CYFIP1: variants seen among roughly 807,000 people sequenced by gnomAD.
CYFIP1 encodes the protein cytoplasmic FMR1-interacting protein 1.
Under a neutral mutation model 163.5 loss-of-function variants are expected in CYFIP1, and 58 were observed. The observed-to-expected ratio is 0.35, with a 90% CI of 0.29 to 0.44. The LOEUF is 0.44. Ranked by LOEUF, CYFIP1 falls within the 20% of genes least tolerant of loss-of-function variation. CYFIP1 has a pLI of 1.00. For missense variants in CYFIP1, 1,338 were observed against 1,653.8 expected, an observed-to-expected ratio of 0.81 and a Z score of 3.31; for synonymous variants, 663 against 660.7, an observed-to-expected ratio of 1.00 and a Z score of -0.05.
At chr15:22,874,832 G>A (rs1298959782) in intron 27 of CYFIP1, among the ~76,000 whole-genome samples, 188 bp from the exon 28 acceptor site, 3 of 152,092 alleles carry the variant, frequency 2.0e-5, no homozygotes, top group Non-Finnish European at 4.4e-5. Context: ...CCAATTTTCT[G>A]CTCAATATTC....
At chr15:22,894,422 T>A (rs1409028906) in intron 22 of CYFIP1, among the ~76,000 whole-genome samples, 1 of 151,412 alleles carries the variant, frequency 6.6e-6, no homozygotes, top group Admixed American at 6.6e-5. Flanking sequence ...CCCGAGTAGC[T>A]GGGATTACAG....
In CYFIP1 at chr15:22,875,291, G is replaced by A; in HGVS notation, c.3043-20C>T. On this transcript the variant is annotated intron_variant, in intron 26 of 30. Coordinates refer to ENST00000617928, the MANE Select transcript of CYFIP1 (RefSeq NM_014608.6). ...TAAAGACTAGAGCAGAGAAAGAGAG[G>A]GTCAAGCTAGGAAGGGTATCTCGCC... is the stretch of plus-strand genomic sequence containing the variant. The A allele has an allele frequency of 6.2e-7, 1 of 1,610,276 alleles. No individual in the cohort carries two copies.
intron 1 of CYFIP1, 106 bp downstream of exon 1, chr15:22,980,181 G>A (rs887425651): frequency 6.7e-6 from 1 of 149,724 alleles, no homozygotes; most frequent in Non-Finnish European, 1.5e-5. Context: ...GGGGGGAGGG[G>A]GGGGTCCGTC....
intron 1 of CYFIP1, among the ~76,000 whole-genome samples, chr15:22,978,505 C>T (rs1235576150): frequency 6.6e-6 from 1 of 151,426 alleles, no homozygotes; most frequent in African/African-American, 2.4e-5. Flanking sequence ...AAATGTATGA[C>T]GATAATATAT....
intron 1 of CYFIP1, among the ~76,000 whole-genome samples, chr15:22,965,172 T>G (rs1337548808): frequency 6.6e-6 from 1 of 152,152 alleles, no homozygotes; most frequent in Non-Finnish European, 1.5e-5. Flanking sequence ...ACATCCTAAA[T>G]TACTGTCTGG....
chr15:22,918,943 T>C lies in CYFIP1; in HGVS notation c.1360-85A>G, dbSNP rs148269421. On this transcript the variant is annotated intron_variant, in intron 13 of 30. Coordinates refer to ENST00000617928, the MANE Select transcript of CYFIP1 (RefSeq NM_014608.6). ...CCTGGCACATGCCGGGGGCTGCTCC[T>C]CCTCGCCCACAGCACCTTACGCCCT... is the stretch of plus-strand genomic sequence containing the variant. The C allele has an allele frequency of 4.4e-5, 50 of 1,124,406 alleles. No individual in the cohort carries two copies. The East Asian group carries it at 1.2e-3, about 27-fold the overall frequency. 69.7% of individuals were successfully genotyped at this position (1,124,406 alleles called of 1,614,324 possible).
chr15:22,978,300 C>CT (rs1399119388), intron 1 of CYFIP1, among the ~76,000 whole-genome samples: 1 of 128,468 alleles, frequency 7.8e-6, no homozygotes, highest in Non-Finnish European at 1.5e-5. Flanking sequence ...TGTGGCGAGC[C>CT]GAGTTTGCGT....
intron 8 of CYFIP1, 64 bp downstream of exon 8, chr15:22,939,128 G>A (rs771463735): frequency 3.8e-6 from 6 of 1,594,892 alleles, no homozygotes; most frequent in Non-Finnish European, 4.3e-6. Context: ...ATAAAGCACA[G>A]CCTATTGACA....
intron 5 of CYFIP1, among the ~76,000 whole-genome samples, chr15:22,943,640 A>G (rs1234797531): frequency 2.6e-5 from 4 of 152,250 alleles, no homozygotes; most frequent in African/African-American, 9.6e-5. Flanking sequence ...AAATGCTCCA[A>G]TAAAACGCCT....
chr15:22,945,092 A>C (rs543577507), intron 3 of CYFIP1, among the ~76,000 whole-genome samples, 153 bp from the exon 4 acceptor site: 16 of 152,268 alleles, frequency 1.1e-4, no homozygotes, highest in African/African-American at 3.9e-4. Flanking sequence ...AGTGACACTG[A>C]GGTGCGGCGC....
In CYFIP1 at chr15:22,874,635, C is replaced by T. The variant is rs1239058269; in HGVS notation, c.3125G>A (p.Arg1042Lys). Residue 1042 changes from arginine to lysine, a missense_variant, in exon 28 of 31, where the codon AGA becomes AAA. Transcript: ENST00000617928. ...TAGTCTTTTCATTTTGGCATCAAGT[C>T]TCTCCCCCTCTGCAGTAGAAAAAAT... ...LPRVHVKEGE[R>K]LDAKMKRLES... 1 of 1,595,284 alleles carries T rather than the reference C, an allele frequency of 6.3e-7. No homozygotes were observed. The highest frequency in any genetic ancestry group is 8.5e-7 in the Non-Finnish European group (1 of 1,173,204).
chr15:22,962,392 C>CT (rs963136147), intron 1 of CYFIP1, among the ~76,000 whole-genome samples: 4 of 133,510 alleles, frequency 3.0e-5, no homozygotes, highest in African/African-American at 1.1e-4. Context: ...CTATATTCTT[C>CT]TTTTTTTTCT....
chr15:22,937,216 G>A lies in CYFIP1; in HGVS notation c.796-8C>T. 6.5e-7 allele frequency: 1 copy of A among 1,543,054 alleles called. No homozygotes were observed. The highest frequency in any genetic ancestry group is 1.1e-5 in the South Asian group (1 of 89,478). ...CAGACCAAATCCCATGACCTGAAAA[G>A]CCACAAAATGAATGATGCGACAAAG... On this transcript the variant is annotated splice_region_variant and splice_polypyrimidine_tract_variant and intron_variant, in intron 8 of 30. Transcript: ENST00000617928.
chr15:22,957,623 A>G (rs190126101), intron 1 of CYFIP1, among the ~76,000 whole-genome samples: 387 of 152,288 alleles, frequency 2.5e-3, no homozygotes, highest in African/African-American at 6.3e-3. Flanking sequence ...GCGACAGAGC[A>G]AGACTCCATC....
At chr15:22,893,141 G>C (rs529876130) in intron 22 of CYFIP1, among the ~76,000 whole-genome samples, 164 bp from the exon 23 acceptor site, 5 of 152,280 alleles carry the variant, frequency 3.3e-5, no homozygotes, top group African/African-American at 1.2e-4. Flanking sequence ...GAACGAATGA[G>C]ATCTCAATAC....
At position 22,946,990 on chromosome 15, in the gene CYFIP1, ACCG is replaced by A. The variant is rs970260241; in HGVS notation, c.207+10_207+12del. 3.7e-6 allele frequency: 6 copies of A among 1,610,184 alleles called. No individual in the cohort carries two copies. In the African/African-American group the frequency reaches 8.0e-5, roughly 22 times the overall value. On this transcript the variant is annotated intron_variant, in intron 3 of 30. Coordinates refer to ENST00000617928, the MANE Select transcript of CYFIP1 (RefSeq NM_014608.6). ...TCTCTGCAGAGAGAAACAAAGACAC[ACCG>A]CAACATTACCATGCTAGAGTGGACG...
chr15:22,869,930 G>T lies in CYFIP1; in HGVS notation c.*98C>A. The T allele has an allele frequency of 8.5e-7, 1 of 1,171,828 alleles. No individual in the cohort carries two copies. The highest frequency in any genetic ancestry group is 1.6e-5 in the African/African-American group (1 of 62,228). 72.6% of individuals were successfully genotyped at this position (1,171,828 alleles called of 1,614,324 possible). A position where few individuals can be genotyped will look rare whatever the true frequency, so the allele number is the denominator to read the frequency against. On this transcript the variant is annotated 3_prime_UTR_variant, in exon 31 of 31. Transcript: ENST00000617928. Reference sequence around the variant, plus strand: ...AGATCGAAAAGCACCCCCTTTAACAGGTACAGAGATACTGAAAAATAGTCC... The same window carrying T: ...AGATCGAAAAGCACCCCCTTTAACATGTACAGAGATACTGAAAAATAGTCC...
At chr15:22,890,118 A>G (rs972210531) in intron 23 of CYFIP1, among the ~76,000 whole-genome samples, 1 of 151,794 alleles carries the variant, frequency 6.6e-6, no homozygotes, top group Non-Finnish European at 1.5e-5. Context: ...CCTGGCCAAC[A>G]TGGTGAAACC....
At chr15:22,959,589 G>A (rs982365305) in intron 1 of CYFIP1, among the ~76,000 whole-genome samples, 2 of 152,204 alleles carry the variant, frequency 1.3e-5, no homozygotes, top group Admixed American at 1.3e-4. Flanking sequence ...TCGGGCGCTT[G>A]ACAAAGCAAT....
Sources: gnomAD v4.1 joint callset for allele counts (sites outside exome capture counted in the v4.1 genomes callset) on GRCh38, gnomAD v4.1.1 for gene constraint, MANE v1.5 for transcripts, NCBI Gene and HGNC (gene_info 2026-07-23, HGNC 2026-07-21) for gene names.